Variants in LIMCH1 observed in about 807,000 individuals in gnomAD.
LIMCH1 encodes LIM and calponin homology domains 1.
A neutral mutation model predicts 176.5 loss-of-function variants in LIMCH1; 113 were observed. That is an observed-to-expected ratio of 0.64 (90% confidence interval 0.55 to 0.75). The LOEUF (loss-of-function observed/expected upper bound fraction) is 0.75, where lower values mean the gene tolerates loss of function less well. Ranked by LOEUF, LIMCH1 falls within the 30% of genes least tolerant of loss-of-function variation. The pLI is 0.00. For missense variants in LIMCH1, 1,674 were observed against 1,814.9 expected (o/e 0.92, Z 1.41); for synonymous variants, 619 against 645.9 (o/e 0.96, Z 0.63).
Position 41,460,458 on chromosome 4 carries a change from C to CTTTATATTTTTATATA in LIMCH1, c.97-34077_97-34076insTTATATTTTTATATAT, listed in dbSNP as rs372751468. Among the ~76,000 whole-genome samples, 207 of 110,548 alleles carry CTTTATATTTTTATATA rather than the reference C, an allele frequency of 1.9e-3. 7 individuals are homozygous for CTTTATATTTTTATATA. The highest frequency in any genetic ancestry group is 7.5e-3 in the African/African-American group (190 of 25,236). The allele number at this position is 110,548 out of a possible 152,430, so 72.5% of individuals were successfully genotyped here. On this transcript the variant is annotated intron_variant, in intron 1 of 26. Transcript: ENST00000313860. ...AAATTTGTTCCACTATAGTAATCAT[C>CTTTATATTTTTATATA]TATATATATATATATATATATCTTA...
At chr4:41,371,919 A>C (rs185611276) in intron 1 of LIMCH1, among the ~76,000 whole-genome samples, 1 of 152,342 alleles carries the variant, frequency 6.6e-6, no homozygotes, top group African/African-American at 2.4e-5. Flanking sequence ...AAATAAGAGA[A>C]GCATGCTTGG....
intron 1 of LIMCH1, among the ~76,000 whole-genome samples, chr4:41,464,359 T>C (rs1240930483): frequency 6.7e-6 from 1 of 149,514 alleles, no homozygotes; most frequent in Non-Finnish European, 1.5e-5. Context: ...TCTTTTTCCT[T>C]TTCTTTTTTT....
intron 8 of LIMCH1, among the ~76,000 whole-genome samples, chr4:41,628,187 A>G (rs1056479787): frequency 2.6e-5 from 4 of 152,170 alleles, no homozygotes; most frequent in Admixed American, 2.6e-4. Context: ...AAGTGAAACA[A>G]AGACTTTTGG....
intron 1 of LIMCH1, among the ~76,000 whole-genome samples, chr4:41,462,868 A>T (rs756743327): frequency 6.6e-6 from 1 of 152,138 alleles, no homozygotes; most frequent in Non-Finnish European, 1.5e-5. Flanking sequence ...CTGGAAATTT[A>T]AAATAGACCT....
intron 1 of LIMCH1, among the ~76,000 whole-genome samples, chr4:41,565,346 TACACACACAC>T (rs34056313): frequency 1.0e-4 from 13 of 128,584 alleles, no homozygotes; most frequent in Admixed American, 3.1e-4. Flanking sequence ...CTATTTCGGA[TACACACACAC>T]ACACACACAC....
intron 2 of LIMCH1, among the ~76,000 whole-genome samples, chr4:41,517,961 G>A (rs943175908): frequency 1.2e-4 from 18 of 152,210 alleles, no homozygotes; most frequent in African/African-American, 4.1e-4. Context: ...TATTGCAGCT[G>A]TACAAACCAA....
intron 1 of LIMCH1, among the ~76,000 whole-genome samples, chr4:41,480,332 G>A (rs527985028): frequency 1.3e-5 from 2 of 152,306 alleles, no homozygotes; most frequent in African/African-American, 4.8e-5. Context: ...GAACTGGCCG[G>A]GTGCAGTGGC....
At chr4:41,424,463 T>G (rs2060896490) in intron 1 of LIMCH1, among the ~76,000 whole-genome samples, 1 of 152,224 alleles carries the variant, frequency 6.6e-6, no homozygotes, top group South Asian at 2.1e-4. Context: ...TATCTGAAAC[T>G]CTTGGGGCCA....
intron 1 of LIMCH1, among the ~76,000 whole-genome samples, chr4:41,560,312 G>C (rs1269886712): frequency 6.6e-6 from 1 of 152,106 alleles, no homozygotes; most frequent in South Asian, 2.1e-4. Context: ...AAGCACAGTG[G>C]GGATTCTGTG....
At chr4:41,527,660 A>G (rs1442660834) in intron 3 of LIMCH1, among the ~76,000 whole-genome samples, 4 of 152,086 alleles carry the variant, frequency 2.6e-5, no homozygotes, top group Non-Finnish European at 5.9e-5. Context: ...CGTCTCTACT[A>G]AAAATACAAA....
At chr4:41,363,505 A>G (rs2052481170) in intron 1 of LIMCH1, among the ~76,000 whole-genome samples, 1 of 152,068 alleles carries the variant, frequency 6.6e-6, no homozygotes, top group Non-Finnish European at 1.5e-5. Flanking sequence ...TAATAAACAA[A>G]CTTTGCTGCT....
At chr4:41,431,531 C>T (rs147902927) in intron 1 of LIMCH1, among the ~76,000 whole-genome samples, 1 of 152,280 alleles carries the variant, frequency 6.6e-6, no homozygotes, top group East Asian at 1.9e-4. Context: ...TTTTAAAGAA[C>T]TTCATTACAT....
chr4:41,557,544 C>CTGTGTGTGTGTG (rs1027942562), intron 1 of LIMCH1, among the ~76,000 whole-genome samples: 90 of 99,860 alleles, frequency 9.0e-4, no homozygotes, highest in African/African-American at 7.4e-3. Flanking sequence ...TCTTTATTGC[C>CTGTGTGTGTGTG]TCTGTGTGTG....
At chr4:41,630,853 C>T (rs1324605269) in intron 9 of LIMCH1, among the ~76,000 whole-genome samples, 2 of 152,312 alleles carry the variant, frequency 1.3e-5, no homozygotes, top group South Asian at 2.1e-4. Flanking sequence ...GCTACATTAA[C>T]GTAAGCATAC....
intron 1 of LIMCH1, among the ~76,000 whole-genome samples, chr4:41,486,714 G>A (rs763723272): frequency 4.6e-5 from 7 of 152,086 alleles, no homozygotes; most frequent in Non-Finnish European, 2.9e-5. Context: ...TAAGATGCCA[G>A]TTATGATTTA....
chr4:41,592,239 A>G (rs1045476323), intron 1 of LIMCH1, among the ~76,000 whole-genome samples: 6 of 151,814 alleles, frequency 4.0e-5, no homozygotes, highest in African/African-American at 1.2e-4. Flanking sequence ...TGTAATTCCT[A>G]CTCTCCTTCA....
chr4:41,471,597 A>G (rs1386673929), intron 1 of LIMCH1, among the ~76,000 whole-genome samples: 1 of 152,232 alleles, frequency 6.6e-6, no homozygotes, highest in Non-Finnish European at 1.5e-5. Flanking sequence ...ATAGCTAAGA[A>G]GTATCCAGCG....
At chr4:41,533,049 T>C (rs1335388630) in intron 3 of LIMCH1, among the ~76,000 whole-genome samples, 3 of 152,100 alleles carry the variant, frequency 2.0e-5, no homozygotes, top group South Asian at 2.1e-4. Context: ...CAGGATTCAG[T>C]TCCTCACAGG....
intron 1 of LIMCH1, among the ~76,000 whole-genome samples, chr4:41,453,857 G>C (rs1272621924): frequency 6.6e-6 from 1 of 152,092 alleles, no homozygotes; most frequent in Admixed American, 6.5e-5. Flanking sequence ...TCCAGCCTGA[G>C]TGCCTCCATT....
Sources: allele counts gnomAD v4.1 joint callset (sites outside exome capture counted in the v4.1 genomes callset), GRCh38; gene constraint gnomAD v4.1.1; transcripts MANE v1.5; gene names NCBI Gene and HGNC (gene_info 2026-07-23, HGNC 2026-07-21).